CDYL2: variants seen among roughly 807,000 people sequenced by gnomAD.
CDYL2 encodes the protein chromodomain Y-like protein 2.
Under a neutral mutation model 49.4 loss-of-function variants are expected in CDYL2, and 23 were observed. That is an observed-to-expected ratio of 0.47 (90% CI 0.34 to 0.66). The LOEUF is 0.66. CDYL2 is among the 30% of genes least tolerant of loss of function. The pLI is 0.01. For missense variants in CDYL2, 678 were observed against 656.4 expected (o/e 1.03, Z -0.36); for synonymous variants, 360 against 268.8 (o/e 1.34, Z -3.32).
intron 1 of CDYL2, among the ~76,000 whole-genome samples, chr16:80,706,737 A>C (rs1383302911): frequency 6.6e-6 from 1 of 152,242 alleles, no homozygotes; most frequent in Non-Finnish European, 1.5e-5. Context: ...AAGAGGAAGA[A>C]ACAAAGGAAG....
intron 4 of CDYL2, among the ~76,000 whole-genome samples, chr16:80,614,422 G>A (rs1168323215): frequency 6.6e-6 from 1 of 152,204 alleles, no homozygotes; most frequent in Non-Finnish European, 1.5e-5. Context: ...GACATTTGCC[G>A]AGCCACAAGA....
chr16:80,614,709 C>G (rs963553098), intron 4 of CDYL2, among the ~76,000 whole-genome samples: 1 of 151,808 alleles, frequency 6.6e-6, no homozygotes, highest in East Asian at 1.9e-4. Context: ...ACTAAAAATA[C>G]AAAAATTAGC....
At position 80,604,268 on chromosome 16, in the gene CDYL2, G is replaced by T; in HGVS notation, c.*120C>A. The T allele has an allele frequency of 1.8e-6, 2 of 1,114,160 alleles. No individual in the cohort carries two copies. The highest frequency in any genetic ancestry group is 2.6e-6 in the Non-Finnish European group (2 of 766,946). 69.0% of individuals were successfully genotyped at this position (1,114,160 alleles called of 1,614,324 possible). ...AGCAACCAAAGGACACGAGGAAATG[G>T]ACACAACCCTACGTATAAAGAGACA... On this transcript the variant is annotated 3_prime_UTR_variant, in exon 7 of 7. Coordinates refer to ENST00000570137, the MANE Select transcript of CDYL2 (RefSeq NM_152342.4).
intron 1 of CDYL2, among the ~76,000 whole-genome samples, chr16:80,699,270 C>T (rs1904289076): frequency 6.6e-6 from 1 of 152,118 alleles, no homozygotes; most frequent in Non-Finnish European, 1.5e-5. Context: ...TGTCCATCAA[C>T]AGATGAATGG....
intron 1 of CDYL2, among the ~76,000 whole-genome samples, chr16:80,749,632 C>T (rs1906060276): frequency 1.3e-5 from 2 of 152,038 alleles, no homozygotes; most frequent in Non-Finnish European, 2.9e-5. Context: ...TTATCAGCTA[C>T]CTACAAAATA....
intron 1 of CDYL2, 121 bp from the exon 2 acceptor site, chr16:80,685,250 G>T: frequency 1.4e-6 from 1 of 730,140 alleles, no homozygotes; most frequent in Non-Finnish European, 2.2e-6. Context: ...CAGGGGGTGA[G>T]CCACGAGCCA....
At chr16:80,613,141 T>A (rs533416991) in intron 4 of CDYL2, among the ~76,000 whole-genome samples, 1 of 152,094 alleles carries the variant, frequency 6.6e-6, no homozygotes. Flanking sequence ...GTAAGTTATA[T>A]GGGCACCCTA....
chr16:80,655,151 G>A (rs754093905), intron 2 of CDYL2, among the ~76,000 whole-genome samples: 2 of 152,148 alleles, frequency 1.3e-5, no homozygotes, highest in Non-Finnish European at 2.9e-5. Context: ...TCTAAGGCTG[G>A]GTGTCAATTA....
intron 1 of CDYL2, among the ~76,000 whole-genome samples, chr16:80,700,733 C>G (rs1904296094): frequency 6.6e-6 from 1 of 152,200 alleles, no homozygotes; most frequent in Non-Finnish European, 1.5e-5. Flanking sequence ...GGTAATTTAA[C>G]AGATATCTAT....
chr16:80,763,525 T>C (rs533988917), intron 1 of CDYL2, among the ~76,000 whole-genome samples: 3 of 151,460 alleles, frequency 2.0e-5, no homozygotes, highest in South Asian at 4.2e-4. Flanking sequence ...GGTGGGAGAA[T>C]CACTTGAACC....
chr16:80,671,728 T>G (rs188186156), intron 2 of CDYL2, among the ~76,000 whole-genome samples: 130 of 152,336 alleles, frequency 8.5e-4, no homozygotes, highest in Non-Finnish European at 1.5e-3. Context: ...CTTGTTCCCC[T>G]TAAACACACA....
At chr16:80,757,819 G>C (rs1369043808) in intron 1 of CDYL2, among the ~76,000 whole-genome samples, 3 of 151,936 alleles carry the variant, frequency 2.0e-5, no homozygotes, top group South Asian at 2.1e-4. Context: ...GTAAATTAGA[G>C]AGATAAGCCA....
intron 1 of CDYL2, among the ~76,000 whole-genome samples, chr16:80,732,422 T>A (rs568840341): frequency 6.6e-6 from 1 of 152,080 alleles, no homozygotes; most frequent in Non-Finnish European, 1.5e-5. Context: ...TTGCCACAGG[T>A]TGCAATACGG....
intron 1 of CDYL2, among the ~76,000 whole-genome samples, chr16:80,777,532 T>C (rs1260662122): frequency 6.6e-6 from 1 of 152,000 alleles, no homozygotes; most frequent in African/African-American, 2.4e-5. Flanking sequence ...AGGAAAGAGA[T>C]GAAGGGTATA....
At chr16:80,615,578 G>C (rs549660826) in intron 4 of CDYL2, among the ~76,000 whole-genome samples, 1 of 152,234 alleles carries the variant, frequency 6.6e-6, no homozygotes, top group Admixed American at 6.5e-5. Context: ...AAGCCTCTCT[G>C]ATACTGTTGC....
intron 1 of CDYL2, among the ~76,000 whole-genome samples, chr16:80,759,160 T>G (rs1325627268): frequency 3.1e-5 from 4 of 128,118 alleles, no homozygotes; most frequent in South Asian, 2.5e-4. Context: ...AATATATGGT[T>G]TATATATATA....
chr16:80,680,599 G>A (rs774648229), intron 2 of CDYL2, among the ~76,000 whole-genome samples: 21 of 152,280 alleles, frequency 1.4e-4, no homozygotes, highest in African/African-American at 3.6e-4. Flanking sequence ...TGAAACTCGC[G>A]TAGTTTTAGA....
Position 80,604,466 on chromosome 16 carries a change from C to T in CDYL2, c.1443G>A (p.Met481Ile). 2 of 1,614,204 alleles carry T rather than the reference C, an allele frequency of 1.2e-6. No individual in the cohort carries two copies. Among genetic ancestry groups the T allele is most frequent in the Admixed American group, 3.3e-5 (2 of 60,026 alleles). ...LEDVNEKECLMLKQLWSSSKG... is the reference protein window; with the variant it reads ...LEDVNEKECLILKQLWSSSKG... ...TGGAGGAGCTCCAGAGCTGCTTGAG[C>T]ATGAGGCATTCCTTCTCGTTCACGT... The change falls in exon 7 of 7, where the codon ATG becomes ATA. Residue 481 changes from methionine to isoleucine, a missense_variant. Around this residue, in one of 3 missense-constraint regions of CDYL2, gnomAD observed 153 missense variants for 150.6 expected, o/e 1.02. Coordinates refer to ENST00000570137, the MANE Select transcript of CDYL2 (RefSeq NM_152342.4).
At position 80,804,205 on chromosome 16, in the gene CDYL2, C is replaced by T; in HGVS notation, c.-32G>A. On this transcript the variant is annotated 5_prime_UTR_variant, in exon 1 of 7. Transcript: ENST00000570137. The stretch of plus-strand genomic sequence containing the variant: ...CTGCGGAACTTGGCTCGCCGGTGTG[C>T]GCGTCTGCTCGCTCGCGCCCTCCGT... 7.5e-7 allele frequency: 1 copy of T among 1,334,762 alleles called. No individual in the cohort carries two copies. The highest frequency in any genetic ancestry group is 9.9e-7 in the Non-Finnish European group (1 of 1,015,156). The allele number at this position is 1,334,762 out of a possible 1,614,324, so 82.7% of individuals were successfully genotyped here. A position where few individuals can be genotyped will look rare whatever the true frequency, so the allele number is the denominator to read the frequency against.
Sources: gnomAD v4.1 joint callset for allele counts (sites outside exome capture counted in the v4.1 genomes callset) on GRCh38, gnomAD v4.1.1 for gene constraint, gnomAD v4.1.1 regional missense constraint, MANE v1.5 for transcripts, NCBI Gene and HGNC (gene_info 2026-07-23, HGNC 2026-07-21) for gene names.